The following ZNF280D variants were observed in gnomAD, a reference collection of about 807,000 sequenced individuals.
The protein encoded by ZNF280D is zinc finger protein 280D.
Under a neutral mutation model 94.7 loss-of-function variants are expected in ZNF280D, and 39 were observed. That is an observed-to-expected ratio of 0.41 (90% CI 0.32 to 0.54). ZNF280D has a LOEUF of 0.54. Ranked by LOEUF, ZNF280D falls within the 20% of genes least tolerant of loss-of-function variation. ZNF280D has a pLI of 0.22. For synonymous variants in ZNF280D, 398 were observed against 377.6 expected (o/e 1.05, Z -0.63); for missense variants, 1,090 against 1,149.3 (o/e 0.95, Z 0.75).
At chr15:56,641,361 A>G (rs2052619403) in intron 20 of ZNF280D, among the ~76,000 whole-genome samples, 1 of 151,974 alleles carries the variant, frequency 6.6e-6, no homozygotes, top group South Asian at 2.1e-4. Flanking sequence ...TAATCTGCAT[A>G]ACACTTTGTA....
rs1471823128 is a variant in ZNF280D at position 56,666,931 on chromosome 15, G to C, written c.1601C>G (p.Ser534Cys). The C allele has an allele frequency of 1.2e-6, 2 of 1,612,870 alleles. No homozygotes were observed. The highest frequency in any genetic ancestry group is 2.7e-5 in the African/African-American group (2 of 74,894). The change falls in exon 15 of 22, where the codon TCC (serine) becomes TGC (cysteine). Residue 534 changes from serine to cysteine, a missense_variant. Physicochemically the swap from Ser to Cys is moderately radical, Grantham distance 112. Coordinates refer to ENST00000267807, the MANE Select transcript of ZNF280D (RefSeq NM_017661.4). ...AAGGGTAGAAGCACTTGCACTAATG[G>C]AAGGTGTAGGTGAAGCTCCTGATTG... is the stretch of plus-strand genomic sequence containing the variant. ...PLQSGASPTP[S>C]ISASASTLQL...
chr15:56,677,795 CTTG>C (rs1317259207), intron 11 of ZNF280D, 121 bp from the exon 12 acceptor site: 15 of 321,118 alleles, frequency 4.7e-5, no homozygotes, highest in Non-Finnish European at 7.3e-5. Flanking sequence ...AGTTAAACAG[CTTG>C]TTAACTATGT....
At position 56,707,305 on chromosome 15, in the gene ZNF280D, T is replaced by C. The variant is rs1407731606; in HGVS notation, c.-84A>G. The stretch of plus-strand genomic sequence containing the variant: ...GCCAGCAAGTTATTTCTGTTTTCCT[T>C]CCTATAAAATAAAGATACCAACTAT... On this transcript the variant is annotated splice_region_variant and 5_prime_UTR_variant, in exon 2 of 22. Coordinates refer to ENST00000267807, the MANE Select transcript of ZNF280D (RefSeq NM_017661.4). 1 of 1,527,510 alleles carries C rather than the reference T, an allele frequency of 6.5e-7. No homozygotes were observed. Among genetic ancestry groups the C allele is most frequent in the African/African-American group, 1.4e-5 (1 of 72,820 alleles). 94.6% of individuals were successfully genotyped at this position (1,527,510 alleles called of 1,614,324 possible). A position where few individuals can be genotyped will look rare whatever the true frequency, so the allele number is the denominator to read the frequency against.
At chr15:56,659,283 T>C (rs1257227718) in intron 16 of ZNF280D, among the ~76,000 whole-genome samples, 1 of 151,010 alleles carries the variant, frequency 6.6e-6, no homozygotes, top group African/African-American at 2.4e-5. Context: ...ATAGCTTCTA[T>C]ATACCCTTTT....
chr15:56,642,891 T>A (rs1284687775), intron 20 of ZNF280D, 61 bp downstream of exon 20: 3 of 1,242,990 alleles, frequency 2.4e-6, no homozygotes, highest in Non-Finnish European at 3.2e-6. Context: ...AAATTTTATA[T>A]CATACCAATA....
chr15:56,706,338 C>T (rs560559895), intron 3 of ZNF280D, among the ~76,000 whole-genome samples: 12 of 151,006 alleles, frequency 7.9e-5, no homozygotes, highest in African/African-American at 1.7e-4. Flanking sequence ...ATTAGCCAGG[C>T]GTGGTGGCGA....
At chr15:56,679,384 T>C (rs2055467538) in intron 10 of ZNF280D, among the ~76,000 whole-genome samples, 2 of 152,236 alleles carry the variant, frequency 1.3e-5, no homozygotes, top group South Asian at 2.1e-4. Flanking sequence ...ATGCATGTAA[T>C]AGCAGTTTTG....
At chr15:56,714,575 A>G (rs1229141718) in intron 1 of ZNF280D, among the ~76,000 whole-genome samples, 1 of 152,210 alleles carries the variant, frequency 6.6e-6, no homozygotes, top group Non-Finnish European at 1.5e-5. Context: ...GATCAGGACT[A>G]GAATAGGGAA....
intron 10 of ZNF280D, among the ~76,000 whole-genome samples, chr15:56,679,330 A>C (rs578125461): frequency 6.6e-6 from 1 of 152,246 alleles, no homozygotes; most frequent in Non-Finnish European, 1.5e-5. Flanking sequence ...CCAGCTACTT[A>C]AATGACAAAT....
chr15:56,699,242 A>C (rs1282116070), intron 6 of ZNF280D: 3 of 329,938 alleles, frequency 9.1e-6, no homozygotes, highest in Non-Finnish European at 1.3e-5. Flanking sequence ...GTAAAATAAC[A>C]AGGCTGTGGG....
intron 20 of ZNF280D, among the ~76,000 whole-genome samples, chr15:56,641,930 C>T (rs527251920): frequency 6.6e-6 from 1 of 151,714 alleles, no homozygotes; most frequent in Non-Finnish European, 1.5e-5. Context: ...ATACTGCATT[C>T]TGTGTATTTA....
intron 20 of ZNF280D, among the ~76,000 whole-genome samples, chr15:56,640,677 C>T (rs1241327418): frequency 6.6e-6 from 1 of 152,034 alleles, no homozygotes; most frequent in Admixed American, 6.6e-5. Flanking sequence ...AAGTGACAAT[C>T]ATAAAAAAAT....
At chr15:56,640,033 G>GA (rs2052552064) in intron 20 of ZNF280D, among the ~76,000 whole-genome samples, 1 of 151,416 alleles carries the variant, frequency 6.6e-6, no homozygotes, top group Admixed American at 6.6e-5. Flanking sequence ...TGCAACGTTA[G>GA]AAAAAAATAC....
intron 1 of ZNF280D, among the ~76,000 whole-genome samples, chr15:56,728,322 G>C (rs1416068550): frequency 6.6e-6 from 1 of 152,150 alleles, no homozygotes; most frequent in Non-Finnish European, 1.5e-5. Flanking sequence ...ACCCGGCCTT[G>C]ATACAACGCT....
At chr15:56,723,834 CCAT>C (rs1430021460) in intron 1 of ZNF280D, among the ~76,000 whole-genome samples, 5 of 139,244 alleles carry the variant, frequency 3.6e-5, no homozygotes, top group African/African-American at 1.3e-4. Context: ...ATGATTAAAC[CCAT>C]CATTAGCTGA....
At position 56,640,528 on chromosome 15, in the gene ZNF280D, T is replaced by C. The variant is rs2042811809; in HGVS notation, c.2259+2424A>G. On this transcript the variant is annotated intron_variant, in intron 20 of 21. Coordinates refer to ENST00000267807, the MANE Select transcript of ZNF280D (RefSeq NM_017661.4). ...ACTCACATTAGCTTAAACTTAAAGA[T>C]TTTATTTATGCCAAAAACAGTATTA... Among the ~76,000 whole-genome samples the C allele has an allele frequency of 3.3e-5, 5 of 152,162 alleles. No individual in the cohort carries two copies. The South Asian group carries it at 1.0e-3, about 31-fold the overall frequency.
At position 56,676,826 on chromosome 15, in the gene ZNF280D, GA is replaced by G. The variant is rs764083695; in HGVS notation, c.1264-11del. ...ATCTATAATTACAAACCTAAAAAAA[GA>G]AAGAAGGCTTAGTTTAACTTGAAAA... On this transcript the variant is annotated splice_polypyrimidine_tract_variant and intron_variant, in intron 12 of 21. Coordinates refer to ENST00000267807, the MANE Select transcript of ZNF280D (RefSeq NM_017661.4). 6.4e-7 allele frequency: 1 copy of G among 1,569,950 alleles called. No homozygotes were observed. The highest frequency in any genetic ancestry group is 1.2e-5 in the South Asian group (1 of 85,098).
At chr15:56,699,789 A>G (rs2056950938) in intron 6 of ZNF280D, 1 of 156,792 alleles carries the variant, frequency 6.4e-6, no homozygotes, top group African/African-American at 2.4e-5. Flanking sequence ...CATCACACAG[A>G]ATATTTTAAA....
intron 20 of ZNF280D, among the ~76,000 whole-genome samples, chr15:56,641,657 G>T (rs1354658034): frequency 6.6e-6 from 1 of 151,734 alleles, no homozygotes; most frequent in Non-Finnish European, 1.5e-5. Flanking sequence ...ATTTTCTTCT[G>T]TTAAATTATG....
Sources: gnomAD v4.1 joint callset for allele counts (sites outside exome capture counted in the v4.1 genomes callset) on GRCh38, gnomAD v4.1.1 for gene constraint, MANE v1.5 for transcripts, NCBI Gene and HGNC (gene_info 2026-07-23, HGNC 2026-07-21) for gene names.